Variants in ANKRD28 observed in about 807,000 individuals in gnomAD.
ANKRD28 encodes serine/threonine-protein phosphatase 6 regulatory ankyrin repeat subunit A.
A neutral mutation model predicts 126.5 loss-of-function variants in ANKRD28; 44 were observed. That is an observed-to-expected ratio of 0.35 (90% CI 0.27 to 0.45). The LOEUF (loss-of-function observed/expected upper bound fraction) is 0.45, where lower values mean the gene tolerates loss of function less well. Among genes scored for constraint, ANKRD28 ranks in the 20% least tolerant of loss-of-function variants. The pLI is 1.00. For missense variants in ANKRD28, 1,110 were observed against 1,316.6 expected (o/e 0.84, Z 2.43); for synonymous variants, 442 against 468.5 (o/e 0.94, Z 0.73).
rs1334759429 is a variant in ANKRD28 at position 15,796,532 on chromosome 3, A to C, written c.-11T>G. The C allele has an allele frequency of 3.9e-6, 5 of 1,279,240 alleles. No homozygotes were observed. The highest frequency in any genetic ancestry group is 5.1e-6 in the Non-Finnish European group (5 of 982,734). 79.2% of individuals were successfully genotyped at this position (1,279,240 alleles called of 1,614,324 possible). A position where few individuals can be genotyped will look rare whatever the true frequency, so the allele number is the denominator to read the frequency against. ...ACACACTCGACTCATTCGATCTTTT[A>C]AAACACTAAATTCCAAGCTATGTGA... is the stretch of plus-strand genomic sequence containing the variant. On this transcript the variant is annotated 5_prime_UTR_variant, in exon 1 of 28. An upstream open reading frame in the 5' UTR loses its in-frame stop. Coordinates refer to ENST00000683139, the MANE Select transcript of ANKRD28 (RefSeq NM_001349278.2).
chr3:15,686,359 A>T (rs1473810890), intron 18 of ANKRD28, 50 bp from the exon 19 acceptor site: 13 of 1,384,208 alleles, frequency 9.4e-6, no homozygotes, highest in Non-Finnish European at 1.3e-5. Flanking sequence ...ATGATAAAAT[A>T]GAAAATGTCC....
intron 1 of ANKRD28, among the ~76,000 whole-genome samples, chr3:15,795,653 CA>C (rs2060244026): frequency 6.6e-6 from 1 of 152,134 alleles, no homozygotes; most frequent in Admixed American, 6.5e-5. Context: ...ACTTGTGGGA[CA>C]GAACTTTTTA....
At chr3:15,779,797 T>C (rs2059460706) in intron 2 of ANKRD28, among the ~76,000 whole-genome samples, 1 of 152,198 alleles carries the variant, frequency 6.6e-6, no homozygotes, top group Non-Finnish European at 1.5e-5. Context: ...TAATAATATA[T>C]AAAAATACAG....
intron 27 of ANKRD28, among the ~76,000 whole-genome samples, chr3:15,673,536 T>C (rs1204285462): frequency 6.6e-6 from 1 of 152,202 alleles, no homozygotes; most frequent in Non-Finnish European, 1.5e-5. Context: ...AAGTACATTA[T>C]ATACAATATG....
chr3:15,744,834 G>A (rs1395815508), intron 4 of ANKRD28, among the ~76,000 whole-genome samples: 1 of 151,932 alleles, frequency 6.6e-6, no homozygotes, highest in Non-Finnish European at 1.5e-5. Flanking sequence ...TTCCATAATG[G>A]TTGTACTAGT....
rs1308317934 is a variant in ANKRD28, at chr3:15,668,141, G to A, written c.*2129C>T. 1 of 152,198 alleles carries A rather than the reference G, an allele frequency of 6.6e-6. No individual in the cohort carries two copies. Among genetic ancestry groups the A allele is most frequent in the Non-Finnish European group, 1.5e-5 (1 of 68,042 alleles). 9.4% of individuals were successfully genotyped at this position (152,198 alleles called of 1,614,324 possible). On this transcript the variant is annotated 3_prime_UTR_variant, in exon 28 of 28. Coordinates refer to ENST00000683139, the MANE Select transcript of ANKRD28 (RefSeq NM_001349278.2). ...GTTAGAGCTGCTCAACAACTGAATGGACTGCTTGGTGAGGTAGAGTCACTT... is the reference window on the plus strand; with the variant it reads ...GTTAGAGCTGCTCAACAACTGAATGAACTGCTTGGTGAGGTAGAGTCACTT...
In ANKRD28 at chr3:15,720,906, G is replaced by T. The variant is rs376922063; in HGVS notation, c.996+9C>A. The stretch of plus-strand genomic sequence containing the variant: ...TGAAATACTTATAGATTCTGATTTT[G>T]TTCCTTACCTTCATATTGACATCGG... On this transcript the variant is annotated intron_variant, in intron 8 of 27. Transcript: ENST00000683139. 6.2e-7 allele frequency: 1 copy of T among 1,611,092 alleles called. No homozygotes were observed. The highest frequency in any genetic ancestry group is 2.2e-5 in the East Asian group (1 of 44,802).
intron 27 of ANKRD28, among the ~76,000 whole-genome samples, chr3:15,674,665 A>G (rs1278407824): frequency 1.3e-5 from 2 of 152,214 alleles, no homozygotes; most frequent in Non-Finnish European, 1.5e-5. Context: ...CTAGGGAGTC[A>G]ATGTAGATAG....
rs1320918786 is a variant in ANKRD28, at chr3:15,843,590, G to GA, written c.27+15786dup. ...AGAATAGTTTGAGCCAAAAATAAGG[G>GA]AAAAAAAAGAGAGAGAGGCAGAAAT... On this transcript the variant is annotated intron_variant, in intron 1 of 27. Coordinates refer to the ANKRD28 transcript ENST00000399451. The surrounding 1 kb of genome is among the most constrained non-coding windows in gnomAD (Gnocchi z 5.2). Among the ~76,000 whole-genome samples the GA allele has an allele frequency of 8.7e-5, 13 of 150,232 alleles. No individual in the cohort carries two copies. The highest frequency in any genetic ancestry group is 2.7e-4 in the African/African-American group (11 of 40,844).
Position 15,839,135 on chromosome 3 carries a change from G to C in ANKRD28, c.27+20242C>G, listed in dbSNP as rs1360185988. On this transcript the variant is annotated intron_variant, in intron 1 of 27. Transcript: ENST00000399451. This position sits in a 1 kb window ranked among gnomAD's most constrained non-coding sequence, Gnocchi z 4.3. ...GGAGTAACTGCAAAGTAGGTACAAG[G>C]TATCTTTTTGGGGTGATGAAAATAC... Among the ~76,000 whole-genome samples, 1 of 152,132 alleles carries C rather than the reference G, an allele frequency of 6.6e-6. No homozygotes were observed. The highest frequency in any genetic ancestry group is 6.5e-5 in the Admixed American group (1 of 15,268).
At position 15,814,404 on chromosome 3, in the gene ANKRD28, T is replaced by C. The variant is rs1204172447; in HGVS notation, c.28-19098A>G. 9.7e-6 allele frequency: 5 copies of C among 517,246 alleles called. No homozygotes were observed. Among genetic ancestry groups the C allele is most frequent in the East Asian group, 1.0e-4 (1 of 9,868 alleles). The allele number at this position is 517,246 out of a possible 1,614,324, so 32.0% of individuals were successfully genotyped here. A position where few individuals can be genotyped will look rare whatever the true frequency, so the allele number is the denominator to read the frequency against. On this transcript the variant is annotated intron_variant, in intron 1 of 27. Transcript: ENST00000399451. This position sits in a 1 kb window ranked among gnomAD's most constrained non-coding sequence, Gnocchi z 4.7. ...AAATAACTAGTACCTTAACAAAACA[T>C]TGAATTATTGGATAATATTCAAAAA...
intron 6 of ANKRD28, among the ~76,000 whole-genome samples, chr3:15,730,784 G>A (rs1234053307): frequency 1.3e-5 from 2 of 152,180 alleles, no homozygotes; most frequent in African/African-American, 4.8e-5. Context: ...AATGGGCAGT[G>A]CTATATGGTA....
chr3:15,739,339 G>A (rs1056482439), intron 4 of ANKRD28, among the ~76,000 whole-genome samples: 1 of 152,086 alleles, frequency 6.6e-6, no homozygotes, highest in African/African-American at 2.4e-5. Flanking sequence ...TATTAATTTG[G>A]GGAACTAATA....
At chr3:15,821,408 T>A (rs2060939100) in intron 1 of ANKRD28, among the ~76,000 whole-genome samples, 1 of 152,176 alleles carries the variant, frequency 6.6e-6, no homozygotes, top group Non-Finnish European at 1.5e-5. Context: ...AGATGTACAA[T>A]CCTTACTTTT....
At chr3:15,732,519 A>G (rs913510903) in intron 6 of ANKRD28, 18 of 152,360 alleles carry the variant, frequency 1.2e-4, no homozygotes, top group African/African-American at 4.1e-4. Flanking sequence ...AGGACACGCA[A>G]AAGTGTGTTG....
At chr3:15,729,150 T>C (rs548925816) in intron 6 of ANKRD28, among the ~76,000 whole-genome samples, 9 of 152,254 alleles carry the variant, frequency 5.9e-5, no homozygotes, top group South Asian at 2.1e-4. Flanking sequence ...CTCAACTACA[T>C]AGAAAGGCCA....
intron 1 of ANKRD28, among the ~76,000 whole-genome samples, chr3:15,807,014 C>T (rs560329607): frequency 2.2e-4 from 34 of 152,336 alleles, no homozygotes; most frequent in African/African-American, 8.2e-4. Flanking sequence ...TTTAGGGTGA[C>T]TGATTCAGTT....
chr3:15,815,817 A>G lies in ANKRD28; in HGVS notation c.28-20511T>C, dbSNP rs1228636225. On this transcript the variant is annotated intron_variant, in intron 1 of 27. Coordinates refer to the ANKRD28 transcript ENST00000399451. The surrounding 1 kb of genome is among the most constrained non-coding windows in gnomAD (Gnocchi z 4.1). ...TTATGAACAAATCAACCTCATCAGA[A>G]AATATTAAAGGTACATTATTTTAGG... is the stretch of plus-strand genomic sequence containing the variant. Among the ~76,000 whole-genome samples the G allele has an allele frequency of 6.6e-6, 1 of 152,152 alleles. No homozygotes were observed. Among genetic ancestry groups the G allele is most frequent in the African/African-American group, 2.4e-5 (1 of 41,432 alleles).
intron 8 of ANKRD28, among the ~76,000 whole-genome samples, chr3:15,720,701 AT>A (rs202106608): frequency 0.017 from 2,557 of 152,268 alleles, 69 homozygotes; most frequent in African/African-American, 0.058. Context: ...CTGGAACCCC[AT>A]ATAAATGGAA....
Sources: allele counts gnomAD v4.1 joint callset (sites outside exome capture counted in the v4.1 genomes callset), GRCh38; gene constraint gnomAD v4.1.1; non-coding constraint Gnocchi (gnomAD v3.1); transcripts MANE v1.5; gene names NCBI Gene and HGNC (gene_info 2026-07-23, HGNC 2026-07-21).